Variants in RGS7 observed in about 807,000 individuals in gnomAD.
RGS7 encodes the protein regulator of G-protein signaling 7.
A neutral mutation model predicts 81.1 loss-of-function variants in RGS7; 27 were observed. The ratio of observed to expected loss-of-function variants is 0.33; its 90% confidence interval spans 0.25 to 0.46. The LOEUF (loss-of-function observed/expected upper bound fraction) is 0.46. RGS7 is among the 20% of genes least tolerant of loss of function. RGS7 has a pLI of 1.00. For synonymous variants in RGS7, 208 were observed against 207.7 expected, an observed-to-expected ratio of 1.00 and a Z score of -0.01; for missense variants, 396 against 607.4, an observed-to-expected ratio of 0.65 and a Z score of 3.66.
At chr1:241,103,476 T>G (rs2064904855) in intron 2 of RGS7, among the ~76,000 whole-genome samples, 1 of 152,218 alleles carries the variant, frequency 6.6e-6, no homozygotes, top group Non-Finnish European at 1.5e-5. Flanking sequence ...ACAAAATGAT[T>G]GAAGTCTGGA....
intron 9 of RGS7, among the ~76,000 whole-genome samples, chr1:240,830,531 A>G (rs1270154682): frequency 6.6e-6 from 1 of 152,234 alleles, no homozygotes; most frequent in Admixed American, 6.5e-5. Context: ...ATAGCAGCAG[A>G]GAAAGGCCGA....
At chr1:241,080,785 C>T (rs184424900) in intron 3 of RGS7, among the ~76,000 whole-genome samples, 19 of 152,290 alleles carry the variant, frequency 1.2e-4, no homozygotes, top group African/African-American at 4.6e-4. Context: ...CTTTTAATTA[C>T]ATAGGCTAAG....
chr1:241,323,641 C>G (rs2081329689), intron 2 of RGS7, among the ~76,000 whole-genome samples: 1 of 152,184 alleles, frequency 6.6e-6, no homozygotes, highest in African/African-American at 2.4e-5. Flanking sequence ...GAAAGCTAAT[C>G]AGTAGAAAAC....
intron 2 of RGS7, among the ~76,000 whole-genome samples, chr1:241,129,465 T>C (rs2066924079): frequency 6.6e-6 from 1 of 152,238 alleles, no homozygotes; most frequent in South Asian, 2.1e-4. Flanking sequence ...TACATGCCTG[T>C]GCCCAAAGGC....
intron 3 of RGS7, among the ~76,000 whole-genome samples, chr1:241,041,602 C>T (rs1372614018): frequency 6.6e-6 from 1 of 152,100 alleles, no homozygotes; most frequent in Non-Finnish European, 1.5e-5. Flanking sequence ...CCTTTGACCC[C>T]AAAACTCCCA....
At chr1:240,864,525 C>A (rs961212307) in intron 9 of RGS7, among the ~76,000 whole-genome samples, 1 of 152,182 alleles carries the variant, frequency 6.6e-6, no homozygotes, top group Admixed American at 6.5e-5. Context: ...TTCAGGTAAA[C>A]AGGTTGATAA....
At chr1:240,985,143 A>G (rs1685465044) in intron 3 of RGS7, among the ~76,000 whole-genome samples, 1 of 152,238 alleles carries the variant, frequency 6.6e-6, no homozygotes, top group East Asian at 1.9e-4. Flanking sequence ...CTTCCCATTG[A>G]AAAAGAAAAG....
chr1:240,993,667 T>G (rs996553219), intron 3 of RGS7, among the ~76,000 whole-genome samples: 4 of 152,098 alleles, frequency 2.6e-5, no homozygotes, highest in Non-Finnish European at 4.4e-5. Flanking sequence ...TGTTCCACCC[T>G]CTTCACAAGG....
intron 18 of RGS7, among the ~76,000 whole-genome samples, chr1:240,795,221 A>ACCAC (rs369295721): frequency 6.6e-5 from 10 of 150,930 alleles, no homozygotes; most frequent in East Asian, 3.9e-4. Context: ...ACCACCACCA[A>ACCAC]CAAAAATCAA....
chr1:241,240,403 T>C (rs924642455), intron 2 of RGS7, among the ~76,000 whole-genome samples: 1 of 152,200 alleles, frequency 6.6e-6, no homozygotes, highest in African/African-American at 2.4e-5. Flanking sequence ...GTAGATAGGT[T>C]TGATGGAGCT....
intron 2 of RGS7, among the ~76,000 whole-genome samples, chr1:241,109,011 T>A (rs1390080534): frequency 1.3e-5 from 2 of 152,144 alleles, no homozygotes; most frequent in Non-Finnish European, 2.9e-5. Flanking sequence ...TGAGCTCACA[T>A]CAGTTCGCTC....
chr1:241,310,425 G>C (rs1037884131), intron 2 of RGS7, among the ~76,000 whole-genome samples: 2 of 118,684 alleles, frequency 1.7e-5, no homozygotes, highest in Non-Finnish European at 4.0e-5. Context: ...GTGTGAGAGT[G>C]TATGTGTGTC....
rs557447057 is a variant in RGS7, at chr1:240,913,693, C to T, written c.385+17024G>A. On this transcript the variant is annotated intron_variant, in intron 6 of 18. Transcript: ENST00000440928. ...TCCATCACTTCCACAAATTAGGAGG[C>T]TACACTACTGCAATTTGGCTGAATC... Among the ~76,000 whole-genome samples the T allele has an allele frequency of 3.3e-5, 5 of 152,044 alleles. No individual in the cohort carries two copies. In the East Asian group the frequency reaches 7.7e-4, roughly 24 times the overall value.
chr1:240,876,407 A>C (rs1665423858), intron 6 of RGS7, among the ~76,000 whole-genome samples: 1 of 152,170 alleles, frequency 6.6e-6, no homozygotes, highest in African/African-American at 2.4e-5. Flanking sequence ...TGTGAGCAGA[A>C]AGCAATTACT....
intron 2 of RGS7, among the ~76,000 whole-genome samples, chr1:241,230,510 G>A (rs574319652): frequency 9.2e-5 from 14 of 152,136 alleles, no homozygotes; most frequent in Non-Finnish European, 1.8e-4. Context: ...CACCGCACCC[G>A]GCCAGGGCAC....
At chr1:240,872,267 C>T (rs1180395183) in intron 6 of RGS7, among the ~76,000 whole-genome samples, 1 of 152,076 alleles carries the variant, frequency 6.6e-6, no homozygotes, top group East Asian at 1.9e-4. Context: ...GATAAAATCT[C>T]CCTAAATGTC....
At chr1:241,350,257 C>T (rs2083153346) in intron 2 of RGS7, among the ~76,000 whole-genome samples, 1 of 152,168 alleles carries the variant, frequency 6.6e-6, no homozygotes, top group African/African-American at 2.4e-5. Flanking sequence ...ATGGTCCTAT[C>T]TTATCTCAGG....
intron 6 of RGS7, among the ~76,000 whole-genome samples, chr1:240,912,665 G>T (rs970996157): frequency 2.0e-5 from 3 of 151,982 alleles, no homozygotes; most frequent in African/African-American, 7.2e-5. Context: ...GAATTTCAAG[G>T]CTTCCAATTC....
intron 4 of RGS7, among the ~76,000 whole-genome samples, chr1:240,968,716 T>A (rs10802916): frequency 0.39 from 59,617 of 151,954 alleles, 11,883 homozygotes; most frequent in Middle Eastern, 0.43. Context: ...TTGTGTGGTT[T>A]GAGACAAATG....
Sources: allele counts gnomAD v4.1 joint callset (sites outside exome capture counted in the v4.1 genomes callset), GRCh38; gene constraint gnomAD v4.1.1; transcripts MANE v1.5; gene names NCBI Gene and HGNC (gene_info 2026-07-23, HGNC 2026-07-21).